Variants in CNTN5 observed in about 807,000 individuals in gnomAD.
The protein encoded by CNTN5 is contactin-5.
A neutral mutation model predicts 129.1 loss-of-function variants in CNTN5; 77 were observed. The observed-to-expected ratio is 0.60, with a 90% confidence interval of 0.50 to 0.72. The LOEUF (loss-of-function observed/expected upper bound fraction) is 0.72. Ranked by LOEUF, CNTN5 falls within the 30% of genes least tolerant of loss-of-function variation. CNTN5 has a pLI of 0.00. For missense variants in CNTN5, 1,478 were observed against 1,328.8 expected (o/e 1.11, Z -1.75); for synonymous variants, 509 against 465.6 (o/e 1.09, Z -1.20).
intron 3 of CNTN5, among the ~76,000 whole-genome samples, chr11:99,571,095 A>G (rs1343201557): frequency 6.6e-6 from 1 of 152,188 alleles, no homozygotes; most frequent in Non-Finnish European, 1.5e-5. Flanking sequence ...GGAGAGGTAT[A>G]AGTTAATAAC....
At chr11:100,007,307 C>A (rs973031245) in intron 9 of CNTN5, among the ~76,000 whole-genome samples, 1 of 152,026 alleles carries the variant, frequency 6.6e-6, no homozygotes, top group Non-Finnish European at 1.5e-5. Flanking sequence ...AGAAAGTTAG[C>A]CTGTCCTTTG....
At chr11:99,856,483 C>T (rs1009107590) in intron 6 of CNTN5, among the ~76,000 whole-genome samples, 1 of 152,076 alleles carries the variant, frequency 6.6e-6, no homozygotes, top group African/African-American at 2.4e-5. Context: ...GTTTGTGGTG[C>T]CTATAGTCTA....
chr11:99,674,027 C>A (rs1420174239), intron 3 of CNTN5, among the ~76,000 whole-genome samples: 1 of 152,096 alleles, frequency 6.6e-6, no homozygotes, highest in South Asian at 2.1e-4. Flanking sequence ...TTTGAGGAAT[C>A]CCCACACTGT....
intron 1 of CNTN5, among the ~76,000 whole-genome samples, chr11:99,193,339 G>T (rs1210105097): frequency 6.6e-6 from 1 of 152,168 alleles, no homozygotes; most frequent in Non-Finnish European, 1.5e-5. Context: ...AGTCGAAGTT[G>T]AAACTGAATG....
chr11:100,181,913 G>A (rs530477040), intron 13 of CNTN5, among the ~76,000 whole-genome samples: 3 of 152,146 alleles, frequency 2.0e-5, no homozygotes, highest in African/African-American at 7.2e-5. Context: ...ACTCACTGAA[G>A]TTCCAATCAA....
chr11:100,035,468 T>C (rs1941940234), intron 9 of CNTN5, among the ~76,000 whole-genome samples: 1 of 147,192 alleles, frequency 6.8e-6, no homozygotes, highest in South Asian at 2.2e-4. Flanking sequence ...TGATTTATAG[T>C]CCTTTGGGTA....
chr11:99,647,272 C>T (rs1952000064), intron 3 of CNTN5, among the ~76,000 whole-genome samples: 1 of 152,052 alleles, frequency 6.6e-6, no homozygotes, highest in Non-Finnish European at 1.5e-5. Context: ...ATCCAATTTT[C>T]CCCGAACTGT....
intron 24 of CNTN5, among the ~76,000 whole-genome samples, chr11:100,352,451 T>A (rs1451094868): frequency 6.6e-6 from 1 of 151,724 alleles, no homozygotes; most frequent in Non-Finnish European, 1.5e-5. Context: ...GCATCATATC[T>A]GCTATCTGCA....
At chr11:99,319,842 A>G (rs914384720) in intron 1 of CNTN5, among the ~76,000 whole-genome samples, 1 of 152,232 alleles carries the variant, frequency 6.6e-6, no homozygotes, top group Non-Finnish European at 1.5e-5. Context: ...TGCAGAAAAG[A>G]TGCTCATTCA....
chr11:99,559,066 T>C (rs927842017), intron 3 of CNTN5, among the ~76,000 whole-genome samples: 1 of 152,122 alleles, frequency 6.6e-6, no homozygotes, highest in African/African-American at 2.4e-5. Flanking sequence ...TGTTCCTTGG[T>C]TAATGCTTAC....
At chr11:99,408,123 T>C (rs543531023) in intron 2 of CNTN5, among the ~76,000 whole-genome samples, 1 of 152,166 alleles carries the variant, frequency 6.6e-6, no homozygotes, top group Admixed American at 6.5e-5. Flanking sequence ...GGAGCAATAT[T>C]TGTTGGACCC....
chr11:100,015,410 A>G (rs1057205913), intron 9 of CNTN5, among the ~76,000 whole-genome samples: 2 of 152,130 alleles, frequency 1.3e-5, no homozygotes, highest in Non-Finnish European at 2.9e-5. Context: ...CTTGCTAATA[A>G]CCATCACTGG....
In CNTN5 at chr11:99,953,434, A is replaced by G. The variant is rs933212215; in HGVS notation, c.674-3372A>G. Among the ~76,000 whole-genome samples the G allele has an allele frequency of 2.6e-5, 4 of 152,368 alleles. No homozygotes were observed. In the South Asian group the frequency reaches 8.3e-4, roughly 32 times the overall value. ...TTCTCACTACCAAAATTTAGAAATGATGACTGAAATAAAGCAGCGAAAATT... is the reference window on the plus strand; with the variant it reads ...TTCTCACTACCAAAATTTAGAAATGGTGACTGAAATAAAGCAGCGAAAATT... On this transcript the variant is annotated intron_variant, in intron 7 of 24. Transcript: ENST00000524871.
intron 13 of CNTN5, among the ~76,000 whole-genome samples, chr11:100,178,033 A>G (rs1252230224): frequency 1.3e-5 from 2 of 152,206 alleles, no homozygotes; most frequent in African/African-American, 4.8e-5. Flanking sequence ...AAAAGCAGAG[A>G]GTACCATTAT....
intron 9 of CNTN5, among the ~76,000 whole-genome samples, chr11:100,041,867 C>CCA (rs1942397539): frequency 6.6e-6 from 1 of 152,134 alleles, no homozygotes; most frequent in Non-Finnish European, 1.5e-5. Context: ...ATATTCTGAA[C>CCA]CACATGAAGT....
At chr11:99,464,921 A>G (rs1008652444) in intron 2 of CNTN5, among the ~76,000 whole-genome samples, 1 of 152,210 alleles carries the variant, frequency 6.6e-6, no homozygotes, top group African/African-American at 2.4e-5. Flanking sequence ...CTATTTTATT[A>G]TCATAAATTA....
At chr11:99,619,204 A>C (rs637314) in intron 3 of CNTN5, among the ~76,000 whole-genome samples, 68,322 of 151,824 alleles carry the variant, frequency 0.45, 15,788 homozygotes, top group Admixed American at 0.59. Flanking sequence ...TCAAAAAACT[A>C]TATTAGATTT....
At chr11:99,415,784 A>G (rs1355728426) in intron 2 of CNTN5, among the ~76,000 whole-genome samples, 2 of 152,160 alleles carry the variant, frequency 1.3e-5, no homozygotes, top group East Asian at 3.9e-4. Flanking sequence ...TCGTGCAATC[A>G]TTCCTTTCCA....
chr11:99,086,529 C>G (rs1227055823), intron 1 of CNTN5, among the ~76,000 whole-genome samples: 1 of 152,164 alleles, frequency 6.6e-6, no homozygotes, highest in Non-Finnish European at 1.5e-5. Flanking sequence ...TGTAAACAAT[C>G]AGATCGTGCG....
Sources: gnomAD v4.1 joint callset for allele counts (sites outside exome capture counted in the v4.1 genomes callset) on GRCh38, gnomAD v4.1.1 for gene constraint, MANE v1.5 for transcripts, NCBI Gene and HGNC (gene_info 2026-07-23, HGNC 2026-07-21) for gene names.